The following TTN variants were observed in gnomAD, a reference collection of about 807,000 sequenced individuals.
The protein encoded by TTN is titin, also known as connectin.
A neutral mutation model predicts 3,223.0 loss-of-function variants in TTN; 1,525 were observed. That is an observed-to-expected ratio of 0.47 (90% CI 0.45 to 0.49). TTN has a LOEUF of 0.49. TTN is among the 20% of genes least tolerant of loss of function. The pLI, the probability that TTN is intolerant of heterozygous loss-of-function variation, is 0.00. For synonymous variants in TTN, 14,094 were observed against 15,161.0 expected (o/e 0.93, Z 5.17); for missense variants, 40,786 against 43,424.0 (o/e 0.94, Z 5.40).
rs779874042 is a variant in TTN at position 178,563,493 on chromosome 2, C to A, written c.82639G>T (p.Glu27547Ter). The A allele has an allele frequency of 4.3e-6, 7 of 1,613,728 alleles. No homozygotes were observed. The highest frequency in any genetic ancestry group is 5.9e-6 in the Non-Finnish European group (7 of 1,179,756). ...GGTTCTCCCACACCAGCTGCATTTTCAGCAGCAACTCTGAATTCATAGGAA... is the reference window on the plus strand; with the variant it reads ...GGTTCTCCCACACCAGCTGCATTTTAAGCAGCAACTCTGAATTCATAGGAA... The part of the protein sequence containing the change: ...GHSYEFRVAA[E>*]NAAGVGEPSE... The change falls in exon 326 of 363, where the codon GAA becomes TAA. Residue 27547 changes from glutamate to a stop codon, truncating the protein, a stop_gained. Transcript: ENST00000589042. LOFTEE classifies it high-confidence loss of function. The surrounding 1 kb of genome is among the most constrained non-coding windows in gnomAD (Gnocchi z 4.5).
At position 178,724,144 on chromosome 2, in the gene TTN, C is replaced by T. The variant is rs771575556; in HGVS notation, c.21116-1G>A. ...GTGAAAGAGGGAGGAACTGCTCGGT[C>T]TGTGTGAGGAAAGGTAAGAGACTCA... is the stretch of plus-strand genomic sequence containing the variant. On this transcript the variant is annotated splice_acceptor_variant, in intron 72 of 362. Coordinates refer to ENST00000589042, the MANE Select transcript of TTN (RefSeq NM_001267550.2). LOFTEE classifies it high-confidence loss of function. 10 of 1,608,626 alleles carry T rather than the reference C, an allele frequency of 6.2e-6. No individual in the cohort carries two copies. The highest frequency in any genetic ancestry group is 1.7e-4 in the Middle Eastern group (1 of 6,022).
At position 178,688,181 on chromosome 2, in the gene TTN, A is replaced by G. The variant is rs755891811; in HGVS notation, c.32241T>C (p.Gly10747=). 6.2e-7 allele frequency: 1 copy of G among 1,612,914 alleles called. No individual in the cohort carries two copies. Among genetic ancestry groups the G allele is most frequent in the Non-Finnish European group, 8.5e-7 (1 of 1,179,752 alleles). Residue 10747 remains glycine, a synonymous_variant, in exon 127 of 363, where the codon GGT becomes GGC. Coordinates refer to ENST00000589042, the MANE Select transcript of TTN (RefSeq NM_001267550.2). ...CTTCTCTATAAACTGAAATGGACACACCTTCCTCCTCTTCTGAGTAACTCC... is the reference window on the plus strand; with the variant it reads ...CTTCTCTATAAACTGAAATGGACACGCCTTCCTCCTCTTCTGAGTAACTCC... ...EEWSYSEEEE[G]VSISVYREEE...
chr2:178,728,885 A>G lies in TTN; in HGVS notation c.19147+6T>C, dbSNP rs746084589. 4.4e-6 allele frequency: 7 copies of G among 1,587,860 alleles called. No homozygotes were observed. Among genetic ancestry groups the G allele is most frequent in the Non-Finnish European group, 6.0e-6 (7 of 1,165,290 alleles). ...GACTATCTTTGAAAGAGAATAGCTT[A>G]CAAACCTTGTACTAAAAGGAAAGCA... On this transcript the variant is annotated splice_donor_region_variant and intron_variant, in intron 65 of 362. Transcript: ENST00000589042.
chr2:178,758,755 T>C, intron 44 of TTN: 1 of 567,514 alleles, frequency 1.8e-6, no homozygotes. Flanking sequence ...ACATTACAAA[T>C]TGTTACAGAG....
chr2:178,804,797 T>C (rs1405368094), intron 1 of TTN, 142 bp from the exon 2 acceptor site: 11 of 739,798 alleles, frequency 1.5e-5, no homozygotes, highest in Non-Finnish European at 2.5e-5. Context: ...GCAGGTCTTC[T>C]CTTTTGTGGC....
intron 249 of TTN, 33 bp downstream of exon 249, chr2:178,619,955 A>G (rs777560448): frequency 3.1e-6 from 5 of 1,596,226 alleles, no homozygotes; most frequent in Non-Finnish European, 4.3e-6. Flanking sequence ...AAAAATTGGT[A>G]ACATTAGAAT....
intron 88 of TTN, among the ~76,000 whole-genome samples, chr2:178,716,453 C>T (rs538733963): frequency 1.3e-5 from 2 of 152,216 alleles, no homozygotes; most frequent in East Asian, 3.9e-4. Context: ...TATAAACCAC[C>T]ACTACAAAAA....
At position 178,769,799 on chromosome 2, in the gene TTN, T is replaced by G; in HGVS notation, c.8782A>C (p.Lys2928Gln). 1.2e-6 allele frequency: 2 copies of G among 1,614,090 alleles called. No individual in the cohort carries two copies. The highest frequency in any genetic ancestry group is 1.7e-6 in the Non-Finnish European group (2 of 1,179,992). The change falls in exon 37 of 363, where the codon AAG (lysine) becomes CAG (glutamine). Residue 2928 changes from lysine (K) to glutamine (Q), a missense_variant. Physicochemically the swap from Lys to Gln is moderately conservative, Grantham distance 53. Coordinates refer to ENST00000589042, the MANE Select transcript of TTN (RefSeq NM_001267550.2). ...TGGAGTTTTCCCTGCACAACTATCT[T>G]GAACTTTTCACTCATCTCAATTTCC... ...GVEIEMSEKF[K>Q]IVVQGKLHQL...
At position 178,712,025 on chromosome 2, in the gene TTN, T is replaced by C. The variant is rs766951571; in HGVS notation, c.27805A>G (p.Ile9269Val). Residue 9269 changes from isoleucine (I) to valine (V), a missense_variant, in exon 96 of 363, where the codon ATT (isoleucine) becomes GTT (valine). Transcript: ENST00000589042. ...VATLVFNQVD[I>V]NDSGEYICKA... ...CAGATATATTCTCCACTATCATTAATATCAACCTGGTTGAAAACCAGTGTA... is the reference window on the plus strand; with the variant it reads ...CAGATATATTCTCCACTATCATTAACATCAACCTGGTTGAAAACCAGTGTA... 7.4e-6 allele frequency: 12 copies of C among 1,613,718 alleles called. No individual in the cohort carries two copies. In the South Asian group the frequency reaches 8.8e-5, roughly 12 times the overall value.
chr2:178,619,397 G>A (rs903847864), intron 250 of TTN: 1 of 574,294 alleles, frequency 1.7e-6, no homozygotes, highest in South Asian at 2.3e-5. Context: ...TAGTCATCAT[G>A]TACTAGCAAC....
chr2:178,582,750 T>C, intron 313 of TTN, 158 bp from the exon 314 acceptor site: 1 of 925,888 alleles, frequency 1.1e-6, no homozygotes, highest in Non-Finnish European at 1.5e-6. Context: ...CTTGTAAAAT[T>C]AGGTAATTGA....
rs2055311881 is a variant in TTN, at chr2:178,607,919, ATCT to A, written c.52865_52867del (p.Lys17622del). Reference sequence around the variant, plus strand: ...GACGGTGTACTGACGGACCTTGATCATCTTCTCTGTGCAGCGTGACCATTCATT... The same window carrying A: ...GACGGTGTACTGACGGACCTTGATCATCTCTGTGCAGCGTGACCATTCATT... On this transcript the variant is annotated inframe_deletion, in exon 276 of 363. Transcript: ENST00000589042. The A allele has an allele frequency of 1.2e-6, 2 of 1,613,014 alleles. No homozygotes were observed. The highest frequency in any genetic ancestry group is 2.2e-5 in the East Asian group (1 of 44,720).
chr2:178,709,268 A>C (rs1164177560), intron 99 of TTN, among the ~76,000 whole-genome samples: 2 of 152,200 alleles, frequency 1.3e-5, no homozygotes, highest in Non-Finnish European at 2.9e-5. Context: ...AATATATGTC[A>C]CATATGCACA....
rs879055295 is a variant in TTN at position 178,777,459 on chromosome 2, C to A, written c.4606G>T (p.Ala1536Ser). ...ATCACTGAAATTGAAGATCTGCCTG[C>A]CCTGTTTTGGGCAACCACAGTCCAT... The part of the protein sequence containing the change: ...GEWTVVAQNR[A>S]GRSSISVILT... The change falls in exon 26 of 363, where the codon GCA becomes TCA. Residue 1536 changes from alanine to serine, a missense_variant. Coordinates refer to ENST00000589042, the MANE Select transcript of TTN (RefSeq NM_001267550.2). The A allele has an allele frequency of 6.2e-7, 1 of 1,613,702 alleles. No homozygotes were observed. The highest frequency in any genetic ancestry group is 1.3e-5 in the African/African-American group (1 of 74,888).
At position 178,534,066 on chromosome 2, in the gene TTN, G is replaced by A. The variant is rs761394437; in HGVS notation, c.102549C>T (p.Tyr34183=). The part of the protein sequence containing the change: ...GVRQLENSEK[Y]EITYEDGVAI... ...CCACTCCATCTTCGTAGGTGATTTC[G>A]TATTTCTCACTGTTCTCCAGCTGTC... The change falls in exon 358 of 363, where the codon TAC becomes TAT. Residue 34183 remains tyrosine, a synonymous_variant. Transcript: ENST00000589042. 1.5e-5 allele frequency: 24 copies of A among 1,613,900 alleles called. No homozygotes were observed. The highest frequency in any genetic ancestry group is 4.0e-5 in the African/African-American group (3 of 75,022).
intron 47 of TTN, chr2:178,749,585 T>A (rs754500800): frequency 3.1e-6 from 5 of 1,612,330 alleles, no homozygotes; most frequent in Non-Finnish European, 4.2e-6. Context: ...CAGTTGCTGA[T>A]CTCTGGAATA....
At position 178,614,513 on chromosome 2, in the gene TTN, A is replaced by G; in HGVS notation, c.49001T>C (p.Val16334Ala). The G allele has an allele frequency of 6.2e-7, 1 of 1,611,990 alleles. No homozygotes were observed. The highest frequency in any genetic ancestry group is 1.1e-5 in the South Asian group (1 of 90,890). The change falls in exon 261 of 363, where the codon GTG becomes GCG. Residue 16334 changes from valine to alanine, a missense_variant. Transcript: ENST00000589042. ...AGCAGTGGCCCGGCCACACACATTCACAGCCTCAATGATATATGTGCCAGT... is the reference window on the plus strand; with the variant it reads ...AGCAGTGGCCCGGCCACACACATTCGCAGCCTCAATGATATATGTGCCAGT... ...SDTGTYIIEA[V>A]NVCGRATAVV... is the part of the protein sequence containing the mutation.
rs779573705 is a variant in TTN at position 178,757,861 on chromosome 2, T to G, written c.10359A>C (p.Ser3453=). The G allele has an allele frequency of 5.8e-6, 9 of 1,562,622 alleles. No homozygotes were observed. The highest frequency in any genetic ancestry group is 2.0e-5 in the Admixed American group (1 of 50,992). The stretch of plus-strand genomic sequence containing the variant: ...CAAGGGGCTCCTTCTTAAATGAAAC[T>G]GATAAAGAGACATGCCATTGGGAGT... ...TSNSQWHVSL[S]VSFKKEPLGQ... Residue 3453 remains serine (S), a synonymous_variant, in exon 45 of 363, where the codon TCA becomes TCC. Coordinates refer to ENST00000589042, the MANE Select transcript of TTN (RefSeq NM_001267550.2).
Position 178,560,090 on chromosome 2 carries a change from G to A in TTN, c.86042C>T (p.Ala28681Val). The change falls in exon 326 of 363, where the codon GCC becomes GTC. Residue 28681 changes from alanine (A) to valine (V), a missense_variant. By Grantham distance (64) the Ala-to-Val change is moderately conservative (BLOSUM62 0). Coordinates refer to ENST00000589042, the MANE Select transcript of TTN (RefSeq NM_001267550.2). ...TTCTACAGTATATCCAGTTATCGGG[G>A]CCCCACCATCAAACAGCGGCTTAAC... ...AWVKPLFDGGAPITGYTVEYK... is the reference protein window; with the variant it reads ...AWVKPLFDGGVPITGYTVEYK... 1.2e-6 allele frequency: 2 copies of A among 1,613,592 alleles called. No individual in the cohort carries two copies. The highest frequency in any genetic ancestry group is 1.7e-4 in the Middle Eastern group (1 of 6,058).
Sources: gnomAD v4.1 joint callset for allele counts (sites outside exome capture counted in the v4.1 genomes callset) on GRCh38, gnomAD v4.1.1 for gene constraint, Gnocchi (gnomAD v3.1) non-coding constraint, MANE v1.5 for transcripts, NCBI Gene and HGNC (gene_info 2026-07-23, HGNC 2026-07-21) for gene names.